TDRD6: variants seen among roughly 807,000 people sequenced by gnomAD.
TDRD6 encodes tudor domain containing 6.
A neutral mutation model predicts 157.5 loss-of-function variants in TDRD6; 186 were observed. The observed-to-expected ratio is 1.18, with a 90% CI of 1.05 to 1.33. The LOEUF is 1.33. Among genes scored for constraint, TDRD6 ranks in the 40% most tolerant of loss-of-function variants. The pLI, the probability that TDRD6 is intolerant of heterozygous loss-of-function variation, is 0.00. For missense variants in TDRD6, 3,066 were observed against 2,508.0 expected, an observed-to-expected ratio of 1.22 and a Z score of -4.75; for synonymous variants, 1,075 against 945.2, an observed-to-expected ratio of 1.14 and a Z score of -2.52.
chr6:46,693,502 G>C lies in TDRD6; in HGVS notation c.5374G>C (p.Glu1792Gln). 6.2e-7 allele frequency: 1 copy of C among 1,613,792 alleles called. No individual in the cohort carries two copies. Among genetic ancestry groups the C allele is most frequent in the Non-Finnish European group, 8.5e-7 (1 of 1,179,914 alleles). Reference protein sequence around the residue: ...NPCKDKIDTEELEGELECHLV... With the variant: ...NPCKDKIDTEQLEGELECHLV... ...CTGCAAAGATAAAATTGATACTGAGGAACTGGAAGGTGAATTAGAGTGCCA... is the reference window on the plus strand; with the variant it reads ...CTGCAAAGATAAAATTGATACTGAGCAACTGGAAGGTGAATTAGAGTGCCA... The change falls in exon 1 of 4, where the codon GAA becomes CAA. Residue 1792 changes from glutamate (E) to glutamine (Q), a missense_variant. Glu to Gln is a conservative substitution (Grantham distance 29, BLOSUM62 2). Transcript: ENST00000316081.
upstream of TDRD6, among the ~76,000 whole-genome samples, chr6:46,686,783 A>G (rs1764106798): frequency 6.6e-6 from 1 of 152,212 alleles, no homozygotes; most frequent in Admixed American, 6.5e-5. Context: ...GTACTTGCCA[A>G]AGGGAACCTG....
intron 3 of TDRD6, 139 bp from the exon 4 acceptor site, chr6:46,701,719 C>T: frequency 1.5e-6 from 1 of 671,988 alleles, no homozygotes. Context: ...AGAAATAATG[C>T]CCTATAGTAA....
At chr6:46,685,244 C>T (rs935876476), upstream of TDRD6, among the ~76,000 whole-genome samples, 5 of 150,146 alleles carry the variant, frequency 3.3e-5, no homozygotes, top group African/African-American at 4.9e-5. Flanking sequence ...TTGTCTTTTT[C>T]ATTCTCCTAA....
chr6:46,690,903 T>G lies in TDRD6; in HGVS notation c.2775T>G (p.Phe925Leu). The part of the protein sequence containing the change: ...QKNLELKCTI[F>L]ALASINEELF... ...ATCTAGAATTAAAATGTACAATATTTGCTCTGGCTTCAATTAATGAAGAAC... is the reference window on the plus strand; with the variant it reads ...ATCTAGAATTAAAATGTACAATATTGGCTCTGGCTTCAATTAATGAAGAAC... Residue 925 changes from phenylalanine to leucine, a missense_variant, in exon 1 of 4, where the codon TTT becomes TTG. By Grantham distance (22) the Phe-to-Leu change is conservative. Coordinates refer to ENST00000316081, the MANE Select transcript of TDRD6 (RefSeq NM_001010870.3). 1 of 1,614,092 alleles carries G rather than the reference T, an allele frequency of 6.2e-7. No individual in the cohort carries two copies. The highest frequency in any genetic ancestry group is 1.3e-5 in the African/African-American group (1 of 75,064).
Position 46,693,464 on chromosome 6 carries a change from G to A in TDRD6, c.5336G>A (p.Gly1779Glu), listed in dbSNP as rs1193289633. Residue 1779 changes from glycine (G) to glutamate (E), a missense_variant, in exon 1 of 4, where the codon GGG (glycine) becomes GAG (glutamate). Coordinates refer to ENST00000316081, the MANE Select transcript of TDRD6 (RefSeq NM_001010870.3). ...RDPKTDNICE[G>E]FENPCKDKID... ...CCTAAAACTGATAACATTTGTGAAG[G>A]GTTTGAAAACCCCTGCAAAGATAAA... is the stretch of plus-strand genomic sequence containing the variant. 6.2e-7 allele frequency: 1 copy of A among 1,613,914 alleles called. No homozygotes were observed. The highest frequency in any genetic ancestry group is 1.1e-5 in the South Asian group (1 of 91,042).
chr6:46,701,002 G>A, intron 3 of TDRD6: 1 of 454,236 alleles, frequency 2.2e-6, no homozygotes, highest in South Asian at 1.7e-5. Flanking sequence ...TTGTTAGGCT[G>A]TATCCCAAAG....
chr6:46,684,143 T>C (rs1764030140), upstream of TDRD6, among the ~76,000 whole-genome samples: 1 of 152,188 alleles, frequency 6.6e-6, no homozygotes, highest in Non-Finnish European at 1.5e-5. Context: ...TGATCTGGTC[T>C]TGAATTGTCT....
chr6:46,680,279 C>T, the TDRD6 span, among the ~76,000 whole-genome samples: 1 of 150,988 alleles, frequency 6.6e-6, no homozygotes, highest in East Asian at 1.9e-4. Flanking sequence ...GAACTGAGAT[C>T]ACACCACTGC....
intron 2 of TDRD6, among the ~76,000 whole-genome samples, chr6:46,696,721 C>T (rs1193840285): frequency 4.2e-5 from 6 of 142,752 alleles, no homozygotes; most frequent in Non-Finnish European, 3.0e-5. Context: ...ACACCATTCT[C>T]CTGCCTCAGC....
Position 46,692,409 on chromosome 6 carries a change from C to CA in TDRD6, c.4283dup (p.Asn1428LysfsTer2), listed in dbSNP as rs1254551956. 6.2e-7 allele frequency: 1 copy of CA among 1,613,934 alleles called. No individual in the cohort carries two copies. Among genetic ancestry groups the CA allele is most frequent in the Non-Finnish European group, 8.5e-7 (1 of 1,180,004 alleles). On this transcript the variant is annotated frameshift_variant, in exon 1 of 4. Coordinates refer to ENST00000316081, the MANE Select transcript of TDRD6 (RefSeq NM_001010870.3). LOFTEE classifies it high-confidence loss of function. ...CCTTGCAGGGATTTGAGGTTCCTGA[C>CA]AATAAAAATTCTAAGAAAATGATGC...
In TDRD6 at chr6:46,690,216, C is replaced by CA; in HGVS notation, c.2092dup (p.Ile698AsnfsTer18). ...CAAACCACTTTACTACGGAGAGTAA[C>CA]AAAATACCTTTTGCCAAGACTGGAG... On this transcript the variant is annotated frameshift_variant, in exon 1 of 4. Transcript: ENST00000316081. LOFTEE classifies it high-confidence loss of function. 6.2e-7 allele frequency: 1 copy of CA among 1,613,832 alleles called. No homozygotes were observed.
rs566706416 is a variant in TDRD6 at position 46,693,068 on chromosome 6, C to T, written c.4940C>T (p.Ser1647Phe). 7.8e-5 allele frequency: 126 copies of T among 1,613,808 alleles called. 4 individuals carry two copies. In the South Asian group the frequency reaches 1.3e-3, roughly 17 times the overall value. Reference sequence around the variant, plus strand: ...TTTAACATTTCAGAAGGATTATGTTCTCAAGAGGGAAATGACTATTTCTAT... The same window carrying T: ...TTTAACATTTCAGAAGGATTATGTTTTCAAGAGGGAAATGACTATTTCTAT... ...SGFNISEGLC[S>F]QEGNDYFYEI... The change falls in exon 1 of 4, where the codon TCT becomes TTT. Residue 1647 changes from serine to phenylalanine, a missense_variant. Physicochemically the swap from Ser to Phe is radical, Grantham distance 155. Transcript: ENST00000316081.
chr6:46,689,028 T>C lies in TDRD6; in HGVS notation c.900T>C (p.Ser300=). The change falls in exon 1 of 4, where the codon AGT becomes AGC. Residue 300 remains serine, a synonymous_variant. Transcript: ENST00000316081. ...STGTGDENST[S]ATWEEREESP... ...GGACAGGGGATGAGAACTCTACCAG[T>C]GCCACCTGGGAGGAGAGGGAGGAGA... 1.2e-6 allele frequency: 2 copies of C among 1,613,846 alleles called. No homozygotes were observed. Among genetic ancestry groups the C allele is most frequent in the Non-Finnish European group, 1.7e-6 (2 of 1,179,826 alleles).
In TDRD6 at chr6:46,691,532, G is replaced by A. The variant is rs575721780; in HGVS notation, c.3404G>A (p.Gly1135Glu). ...KALVVAKDPD[G>E]TLIIELYGDN... Reference sequence around the variant, plus strand: ...TTAGTTGTAGCAAAAGATCCAGATGGAACACTGATTATAGAACTATATGGT... The same window carrying A: ...TTAGTTGTAGCAAAAGATCCAGATGAAACACTGATTATAGAACTATATGGT... The change falls in exon 1 of 4, where the codon GGA becomes GAA. Residue 1135 changes from glycine to glutamate, a missense_variant. Gly to Glu is a moderately conservative substitution (Grantham distance 98). Coordinates refer to ENST00000316081, the MANE Select transcript of TDRD6 (RefSeq NM_001010870.3). 6.2e-7 allele frequency: 1 copy of A among 1,613,872 alleles called. No homozygotes were observed. Among genetic ancestry groups the A allele is most frequent in the South Asian group, 1.1e-5 (1 of 91,058 alleles).
In TDRD6 at chr6:46,691,312, GTCT is replaced by G. The variant is rs1294803410; in HGVS notation, c.3189_3191del (p.Phe1064del). 2.5e-6 allele frequency: 4 copies of G among 1,613,960 alleles called. No homozygotes were observed. Among genetic ancestry groups the G allele is most frequent in the Non-Finnish European group, 3.4e-6 (4 of 1,179,952 alleles). ...AGTAATAGAGAAAGAGCCAAAGAAA[GTCT>G]TCTTTGTTGATTTTGGGAATATTTA... On this transcript the variant is annotated inframe_deletion, in exon 1 of 4. Transcript: ENST00000316081.
rs752667073 is a variant in TDRD6, at chr6:46,688,407, G to A, written c.279G>A (p.Glu93=). 5.2e-6 allele frequency: 8 copies of A among 1,538,954 alleles called. No individual in the cohort carries two copies. The South Asian group carries it at 9.5e-5, about 18-fold the overall frequency. ...GCGTGGTCAGCCGGCAGGCACAGGA[G>A]AGCCGTGTCTTCCTGCTGGACGAGG... ...RCRVVSRQAQ[E]SRVFLLDEGR... is the part of the protein sequence containing the mutation. Residue 93 remains glutamate, a synonymous_variant, in exon 1 of 4, where the codon GAG becomes GAA. Coordinates refer to ENST00000316081, the MANE Select transcript of TDRD6 (RefSeq NM_001010870.3).
Position 46,693,596 on chromosome 6 carries a change from C to T in TDRD6, c.5468C>T (p.Ala1823Val), listed in dbSNP as rs1764409552. Residue 1823 changes from alanine (A) to valine (V), a missense_variant, in exon 1 of 4, where the codon GCT becomes GTT. Coordinates refer to ENST00000316081, the MANE Select transcript of TDRD6 (RefSeq NM_001010870.3). The stretch of plus-strand genomic sequence containing the variant: ...GGATTTAACACATTACTACCACATG[C>T]TAATGAAACAAAGGAGATACTAGAA... ...ITGFNTLLPH[A>V]NETKEILELN... 2 of 1,614,132 alleles carry T rather than the reference C, an allele frequency of 1.2e-6. No individual in the cohort carries two copies. The highest frequency in any genetic ancestry group is 1.3e-5 in the African/African-American group (1 of 75,016).
At position 46,691,055 on chromosome 6, in the gene TDRD6, T is replaced by C. The variant is rs150991143; in HGVS notation, c.2927T>C (p.Phe976Ser). The change falls in exon 1 of 4, where the codon TTC (phenylalanine) becomes TCC (serine). Residue 976 changes from phenylalanine (F) to serine (S), a missense_variant. By Grantham distance (155) the Phe-to-Ser change is radical (BLOSUM62 -2). Transcript: ENST00000316081. Reference sequence around the variant, plus strand: ...TCCTCTGTTCAGCTACATTCCTACTTCTATTCTACACATGATATGAAAATT... The same window carrying C: ...TCCTCTGTTCAGCTACATTCCTACTCCTATTCTACACATGATATGAAAATT... ...LESSVQLHSY[F>S]YSTHDMKIGS... is the part of the protein sequence containing the mutation. 1 of 1,613,824 alleles carries C rather than the reference T, an allele frequency of 6.2e-7. No individual in the cohort carries two copies. Among genetic ancestry groups the C allele is most frequent in the South Asian group, 1.1e-5 (1 of 91,046 alleles).
At chr6:46,698,962 C>G (rs1376004852) in intron 3 of TDRD6, among the ~76,000 whole-genome samples, 1 of 152,124 alleles carries the variant, frequency 6.6e-6, no homozygotes, top group Non-Finnish European at 1.5e-5. Context: ...TCAGGTCTTC[C>G]AGGTACATAA....
Sources: allele counts gnomAD v4.1 joint callset (sites outside exome capture counted in the v4.1 genomes callset), GRCh38; gene constraint gnomAD v4.1.1; transcripts MANE v1.5; gene names NCBI Gene and HGNC (gene_info 2026-07-23, HGNC 2026-07-21).